RABGAP1L: variants seen among roughly 807,000 people sequenced by gnomAD.
The protein encoded by RABGAP1L is RAB GTPase activating protein 1 like.
A neutral mutation model predicts 137.7 loss-of-function variants in RABGAP1L; 63 were observed. The ratio of observed to expected loss-of-function variants is 0.46; its 90% CI spans 0.37 to 0.56. The LOEUF is 0.56. Ranked by LOEUF, RABGAP1L falls within the 20% of genes least tolerant of loss-of-function variation. RABGAP1L has a pLI of 0.00. For missense variants in RABGAP1L, 1,095 were observed against 1,244.0 expected, an observed-to-expected ratio of 0.88 and a Z score of 1.80; for synonymous variants, 431 against 433.7, an observed-to-expected ratio of 0.99 and a Z score of 0.08.
chr1:174,850,049 C>T (rs1647995159), intron 19 of RABGAP1L: 18 of 566,554 alleles, frequency 3.2e-5, no homozygotes, highest in South Asian at 2.5e-4. Context: ...TCTGCTCTTG[C>T]AGGAGGCTGT....
chr1:174,826,305 C>T (rs916540582), intron 19 of RABGAP1L, among the ~76,000 whole-genome samples: 2 of 152,110 alleles, frequency 1.3e-5, no homozygotes, highest in Admixed American at 1.3e-4. Flanking sequence ...GATCTTCCCT[C>T]ACGCCTCTCG....
chr1:174,309,161 A>G (rs1678579247), intron 11 of RABGAP1L, among the ~76,000 whole-genome samples: 2 of 152,070 alleles, frequency 1.3e-5, no homozygotes, highest in African/African-American at 4.8e-5. Context: ...TTAAAAAATT[A>G]GTTTTCAGAT....
intron 13 of RABGAP1L, among the ~76,000 whole-genome samples, chr1:174,553,860 C>T (rs1486005473): frequency 9.9e-5 from 15 of 152,106 alleles, no homozygotes; most frequent in Admixed American, 2.0e-4. Flanking sequence ...GACGTGGTGG[C>T]ACACACCTGT....
chr1:174,408,044 A>T (rs1340175847), intron 13 of RABGAP1L, among the ~76,000 whole-genome samples: 2 of 152,180 alleles, frequency 1.3e-5, no homozygotes, highest in African/African-American at 4.8e-5. Context: ...TTGATGTAAT[A>T]CTGCATCTTT....
chr1:174,574,614 C>T (rs1232130051), intron 13 of RABGAP1L, among the ~76,000 whole-genome samples: 2 of 151,992 alleles, frequency 1.3e-5, no homozygotes, highest in African/African-American at 2.4e-5. Flanking sequence ...GTGAGTACAA[C>T]AATCAGATAT....
At chr1:174,294,570 C>T (rs1423450153) in intron 10 of RABGAP1L, among the ~76,000 whole-genome samples, 1 of 152,122 alleles carries the variant, frequency 6.6e-6, no homozygotes, top group Admixed American at 6.6e-5. Flanking sequence ...GTTTTAACTT[C>T]TGAATGACTC....
rs1558334467 is a variant in RABGAP1L, at chr1:174,551,001, T to TATATATATATAC, written c.1711-86363_1711-86362insCATATATATATA. 3.3e-3 allele frequency among the ~76,000 whole-genome samples: 317 copies of TATATATATATAC among 95,878 alleles called. 15 individuals are homozygous for TATATATATATAC. Among genetic ancestry groups the TATATATATATAC allele is most frequent in the Middle Eastern group, 0.013 (2 of 156 alleles). The allele number at this position is 95,878 out of a possible 152,430, so 62.9% of individuals were successfully genotyped here. A position where few individuals can be genotyped will look rare whatever the true frequency, so the allele number is the denominator to read the frequency against. On this transcript the variant is annotated intron_variant, in intron 13 of 25. Transcript: ENST00000681986. ...ATATATACATATATATATATACACA[T>TATATATATATAC]ATATATATATATATATATATACATA...
chr1:174,240,616 T>A (rs1671725449), intron 4 of RABGAP1L, among the ~76,000 whole-genome samples: 1 of 151,492 alleles, frequency 6.6e-6, no homozygotes, highest in African/African-American at 2.4e-5. Flanking sequence ...CCTTTCAGCT[T>A]TTGTATTCCG....
intron 19 of RABGAP1L, among the ~76,000 whole-genome samples, chr1:174,826,199 C>T (rs1793309): frequency 0.42 from 63,889 of 152,090 alleles, 15,746 homozygotes; most frequent in Non-Finnish European, 0.54. Flanking sequence ...CCAGTTGCAT[C>T]CACGTTGCTG....
At chr1:174,480,214 A>G (rs1004147817) in intron 13 of RABGAP1L, among the ~76,000 whole-genome samples, 15 of 152,198 alleles carry the variant, frequency 9.9e-5, no homozygotes, top group Admixed American at 9.2e-4. Flanking sequence ...TATTTTAAAC[A>G]AAAGGGTTAT....
intron 1 of RABGAP1L, among the ~76,000 whole-genome samples, chr1:174,172,824 T>C (rs934862175): frequency 6.6e-6 from 1 of 152,214 alleles, no homozygotes; most frequent in Admixed American, 6.5e-5. Flanking sequence ...TTCATTTTGT[T>C]GTTTGTTTTG....
intron 14 of RABGAP1L, among the ~76,000 whole-genome samples, chr1:174,661,239 A>C (rs1374930703): frequency 7.2e-5 from 11 of 152,222 alleles, no homozygotes; most frequent in Non-Finnish European, 5.9e-5. Flanking sequence ...ATCTAGGCTA[A>C]TCTAAGAACC....
At chr1:174,979,445 T>G (rs1278073583) in intron 23 of RABGAP1L, among the ~76,000 whole-genome samples, 1 of 152,232 alleles carries the variant, frequency 6.6e-6, no homozygotes, top group African/African-American at 2.4e-5. Context: ...TTTAGAGGAA[T>G]AGAAAAACCT....
At chr1:174,698,103 C>T (rs1553236063) in intron 15 of RABGAP1L, among the ~76,000 whole-genome samples, 1 of 152,138 alleles carries the variant, frequency 6.6e-6, no homozygotes, top group Non-Finnish European at 1.5e-5. Flanking sequence ...TGAAGTTAGT[C>T]TAACAAATGT....
chr1:174,469,815 G>A (rs531281661), intron 13 of RABGAP1L, among the ~76,000 whole-genome samples: 5 of 152,054 alleles, frequency 3.3e-5, no homozygotes, highest in Non-Finnish European at 4.4e-5. Flanking sequence ...AGACAAAATG[G>A]CACTCAGTTC....
intron 14 of RABGAP1L, among the ~76,000 whole-genome samples, chr1:174,649,974 C>T: frequency 6.6e-6 from 1 of 152,106 alleles, no homozygotes. Context: ...GTGGGTGTGT[C>T]ATAGATAGCT....
chr1:174,728,824 A>G (rs1438764470), intron 17 of RABGAP1L, among the ~76,000 whole-genome samples: 1 of 152,064 alleles, frequency 6.6e-6, no homozygotes, highest in Non-Finnish European at 1.5e-5. Context: ...TATTTTTAGT[A>G]GAGACAGGGT....
chr1:174,190,696 A>C (rs1667152592), intron 1 of RABGAP1L, among the ~76,000 whole-genome samples: 1 of 152,216 alleles, frequency 6.6e-6, no homozygotes, highest in Admixed American at 6.5e-5. Context: ...CTGGCACTTT[A>C]AATTTTTTAA....
chr1:174,631,341 G>A (rs1351760590), intron 13 of RABGAP1L, among the ~76,000 whole-genome samples: 5 of 140,054 alleles, frequency 3.6e-5, no homozygotes, highest in African/African-American at 9.0e-5. Flanking sequence ...AATAGGTGTG[G>A]TGTGGTGCTG....
Sources: allele counts gnomAD v4.1 joint callset (sites outside exome capture counted in the v4.1 genomes callset), GRCh38; gene constraint gnomAD v4.1.1; transcripts MANE v1.5; gene names NCBI Gene and HGNC (gene_info 2026-07-23, HGNC 2026-07-21).